ST8SIA1: variants seen among roughly 807,000 people sequenced by gnomAD.
ST8SIA1 encodes the protein ST8 alpha-N-acetyl-neuraminide alpha-2,8-sialyltransferase 1.
In ST8SIA1, 16 loss-of-function variants were observed where a neutral mutation model predicts 35.9. The observed-to-expected ratio is 0.45, with a 90% CI of 0.30 to 0.68. The LOEUF is 0.68. ST8SIA1 is among the 30% of genes least tolerant of loss of function. The pLI is 0.09. For synonymous variants in ST8SIA1, 170 were observed against 169.6 expected (o/e 1.00, Z -0.02); for missense variants, 383 against 453.6 (o/e 0.84, Z 1.41).
At chr12:22,322,270 T>C (rs1395734439) in intron 1 of ST8SIA1, among the ~76,000 whole-genome samples, 1 of 152,208 alleles carries the variant, frequency 6.6e-6, no homozygotes, top group East Asian at 1.9e-4. Flanking sequence ...TGCTGCTCCT[T>C]TCCCATTGTG....
In ST8SIA1 at chr12:22,212,270, C is replaced by G. The variant is rs544953432; in HGVS notation, c.585-10232G>C. ...ACACTTCCTTTATTTACTTCTTCTT[C>G]AAATGCTTCAGCAATTTTCCAATGG... On this transcript the variant is annotated intron_variant, in intron 4 of 4. Coordinates refer to ENST00000396037, the MANE Select transcript of ST8SIA1 (RefSeq NM_003034.4). Among the ~76,000 whole-genome samples the G allele has an allele frequency of 3.3e-5, 5 of 152,294 alleles. No homozygotes were observed. In the East Asian group the frequency reaches 9.6e-4, roughly 29 times the overall value.
chr12:22,226,382 T>G (rs1865357711), intron 4 of ST8SIA1, among the ~76,000 whole-genome samples: 1 of 152,198 alleles, frequency 6.6e-6, no homozygotes, highest in African/African-American at 2.4e-5. Flanking sequence ...AGTGTAAAAA[T>G]TCATCACAAT....
chr12:22,248,780 T>C (rs953635759), intron 4 of ST8SIA1: 3 of 460,594 alleles, frequency 6.5e-6, no homozygotes, highest in Non-Finnish European at 1.2e-5. Context: ...TTGTTATTTC[T>C]ATCATCTCTA....
At position 22,283,100 on chromosome 12, in the gene ST8SIA1, G is replaced by C. The variant is rs144786428; in HGVS notation, c.381+4049C>G. On this transcript the variant is annotated intron_variant, in intron 2 of 4. Transcript: ENST00000396037. ...GAACGCTGCAGGTCCAGGCTCAGTG[G>C]AACATGACAGGAGCCTACAGCCAAC... Among the ~76,000 whole-genome samples, 205 of 152,252 alleles carry C rather than the reference G, an allele frequency of 1.3e-3. 2 individuals carry two copies. The East Asian group carries it at 0.035, about 26-fold the overall frequency.
intron 4 of ST8SIA1, among the ~76,000 whole-genome samples, chr12:22,204,369 TA>T (rs1183593386): frequency 1.3e-5 from 2 of 152,302 alleles, no homozygotes; most frequent in East Asian, 3.9e-4. Context: ...AGGTTAGAAC[TA>T]AAAAACTCTT....
intron 3 of ST8SIA1, among the ~76,000 whole-genome samples, chr12:22,249,619 T>C (rs1865647038): frequency 6.6e-6 from 1 of 152,210 alleles, no homozygotes; most frequent in Non-Finnish European, 1.5e-5. Context: ...ATCTTCCAAA[T>C]GCTGTCATAA....
At chr12:22,279,197 AATGATTGGGC>A (rs1866005645) in intron 2 of ST8SIA1, among the ~76,000 whole-genome samples, 2 of 152,102 alleles carry the variant, frequency 1.3e-5, no homozygotes, top group Non-Finnish European at 2.9e-5. Flanking sequence ...CCTTTAGGGG[AATGATTGGGC>A]ATGGTCACCT....
intron 2 of ST8SIA1, among the ~76,000 whole-genome samples, chr12:22,274,805 A>G (rs1371136669): frequency 1.3e-5 from 2 of 152,176 alleles, no homozygotes; most frequent in South Asian, 2.1e-4. Context: ...AAAAGCAACC[A>G]TCCATTTCAT....
Position 22,200,659 on chromosome 12 carries a change from T to A in ST8SIA1, c.*893A>T, listed in dbSNP as rs1478888798. On this transcript the variant is annotated 3_prime_UTR_variant, in exon 5 of 5. Transcript: ENST00000396037. The stretch of plus-strand genomic sequence containing the variant: ...TCTTCCACAGAGACTAAGCTTTTCA[T>A]CAACGTGCTTTACTGCATTTCTGAA... 1 of 152,192 alleles carries A rather than the reference T, an allele frequency of 6.6e-6. No homozygotes were observed. The highest frequency in any genetic ancestry group is 1.5e-5 in the Non-Finnish European group (1 of 68,030). 9.4% of individuals were successfully genotyped at this position (152,192 alleles called of 1,614,324 possible). A position where few individuals can be genotyped will look rare whatever the true frequency, so the allele number is the denominator to read the frequency against.
intron 4 of ST8SIA1, among the ~76,000 whole-genome samples, chr12:22,232,240 G>A (rs1368094205): frequency 6.6e-6 from 1 of 152,202 alleles, no homozygotes. Flanking sequence ...GAGGCTGGAA[G>A]CATAAAAACT....
intron 4 of ST8SIA1, among the ~76,000 whole-genome samples, chr12:22,247,764 T>C (rs914230498): frequency 1.3e-5 from 2 of 151,904 alleles, no homozygotes; most frequent in Non-Finnish European, 2.9e-5. Context: ...TAAATTGCAA[T>C]AGAATATAAA....
intron 3 of ST8SIA1, among the ~76,000 whole-genome samples, chr12:22,249,949 C>T (rs1425484616): frequency 2.0e-5 from 3 of 152,098 alleles, no homozygotes; most frequent in Non-Finnish European, 4.4e-5. Flanking sequence ...CACAGCATGT[C>T]TGACTTGTGT....
chr12:22,217,282 A>G (rs1865244812), intron 4 of ST8SIA1, among the ~76,000 whole-genome samples: 1 of 152,244 alleles, frequency 6.6e-6, no homozygotes, highest in African/African-American at 2.4e-5. Context: ...TTAAGGCCAT[A>G]CTAAACTTTA....
chr12:22,286,663 A>G (rs1866104951), intron 2 of ST8SIA1: 2 of 431,994 alleles, frequency 4.6e-6, no homozygotes, highest in Admixed American at 2.8e-5. Context: ...AAAGTGGTCA[A>G]GTTGAATTAT....
chr12:22,326,769 G>A (rs7316093), intron 1 of ST8SIA1, among the ~76,000 whole-genome samples: 1,741 of 152,206 alleles, frequency 0.011, 29 homozygotes, highest in African/African-American at 0.04. Flanking sequence ...ATGCAACAAA[G>A]GTACAGAGAG....
intron 2 of ST8SIA1, among the ~76,000 whole-genome samples, chr12:22,257,164 T>C (rs1208696666): frequency 6.6e-6 from 1 of 152,040 alleles, no homozygotes; most frequent in African/African-American, 2.4e-5. Context: ...AAAGAAAGCA[T>C]TGCCATGAAA....
rs2418054 is a variant in ST8SIA1, at chr12:22,198,043, T to G, written c.*3509A>C. 6.3e-3 allele frequency: 964 copies of G among 152,324 alleles called. 13 individuals carry two copies. Among genetic ancestry groups the G allele is most frequent in the African/African-American group, 0.022 (911 of 41,558 alleles). The allele number at this position is 152,324 out of a possible 1,614,324, so 9.4% of individuals were successfully genotyped here. ...TTACTTTTCTTAATTATGGAATGACTTAATCCTTCACCTACCTTCATGATC... is the reference window on the plus strand; with the variant it reads ...TTACTTTTCTTAATTATGGAATGACGTAATCCTTCACCTACCTTCATGATC... On this transcript the variant is annotated 3_prime_UTR_variant, in exon 5 of 5. Coordinates refer to ENST00000396037, the MANE Select transcript of ST8SIA1 (RefSeq NM_003034.4).
chr12:22,322,107 G>T (rs981149201), intron 1 of ST8SIA1, among the ~76,000 whole-genome samples: 2 of 152,202 alleles, frequency 1.3e-5, no homozygotes, highest in Admixed American at 6.5e-5. Context: ...TCGCAATCAC[G>T]ATTCAGGCAC....
chr12:22,290,254 TA>T (rs1382949706), intron 1 of ST8SIA1, among the ~76,000 whole-genome samples: 2 of 152,106 alleles, frequency 1.3e-5, no homozygotes, highest in Non-Finnish European at 2.9e-5. Flanking sequence ...GGAGGGTGGC[TA>T]AAAAGAAACC....
Sources: allele counts gnomAD v4.1 joint callset (sites outside exome capture counted in the v4.1 genomes callset), GRCh38; gene constraint gnomAD v4.1.1; transcripts MANE v1.5; gene names NCBI Gene and HGNC (gene_info 2026-07-23, HGNC 2026-07-21).